Variants in WWOX observed in about 807,000 individuals in gnomAD.
WWOX encodes WW domain-containing oxidoreductase.
A neutral mutation model predicts 46.2 loss-of-function variants in WWOX; 69 were observed. The ratio of observed to expected loss-of-function variants is 1.49; its 90% CI spans 1.23 to 1.82. The LOEUF (loss-of-function observed/expected upper bound fraction) is 1.82, where lower values mean the gene tolerates loss of function less well. Among genes scored for constraint, WWOX ranks in the 40% most tolerant of loss-of-function variants. WWOX has a pLI of 0.00. For missense variants in WWOX, 919 were observed against 542.6 expected, an observed-to-expected ratio of 1.69 and a Z score of -6.89; for synonymous variants, 359 against 202.6, an observed-to-expected ratio of 1.77 and a Z score of -6.56.
intron 5 of WWOX, among the ~76,000 whole-genome samples, chr16:78,196,745 C>T (rs1318100395): frequency 2.0e-5 from 3 of 152,036 alleles, no homozygotes; most frequent in Non-Finnish European, 4.4e-5. Context: ...TATTATTGGC[C>T]CTATTTTGCT....
chr16:78,800,906 A>G (rs188179867), intron 8 of WWOX, among the ~76,000 whole-genome samples: 290 of 152,228 alleles, frequency 1.9e-3, no homozygotes, highest in African/African-American at 6.4e-3. Context: ...GCATTCCCCA[A>G]TATAACCATT....
At chr16:78,375,739 C>T (rs527981452) in intron 5 of WWOX, among the ~76,000 whole-genome samples, 1 of 151,938 alleles carries the variant, frequency 6.6e-6, no homozygotes, top group Admixed American at 6.6e-5. Context: ...ATTATAGTTT[C>T]CTAAGTATTT....
In WWOX at chr16:79,061,316, G is replaced by C. The variant is rs530232188; in HGVS notation, c.1057-150292G>C. Among the ~76,000 whole-genome samples the C allele has an allele frequency of 4.6e-4, 70 of 152,016 alleles. 1 individual carries two copies. Among genetic ancestry groups the C allele is most frequent in the Non-Finnish European group, 7.9e-4 (54 of 68,010 alleles). ...TAGTAGTATCTTATTATATTAGCCC[G>C]GCACTGACTGGTGATGAATTACAAG... is the stretch of plus-strand genomic sequence containing the variant. On this transcript the variant is annotated intron_variant, in intron 8 of 8. Transcript: ENST00000566780.
chr16:78,704,878 T>C (rs973673767), intron 8 of WWOX, among the ~76,000 whole-genome samples: 5 of 152,030 alleles, frequency 3.3e-5, no homozygotes, highest in East Asian at 1.9e-4. Flanking sequence ...CCCAACTCTT[T>C]TATTTTTTTT....
chr16:78,869,799 A>G (rs931449200), intron 8 of WWOX, among the ~76,000 whole-genome samples: 4 of 152,250 alleles, frequency 2.6e-5, no homozygotes, highest in Admixed American at 6.5e-5. Context: ...AAAAGCCAGC[A>G]GAGAGAAGAC....
intron 5 of WWOX, among the ~76,000 whole-genome samples, chr16:78,176,388 A>G (rs528838720): frequency 6.1e-4 from 93 of 152,288 alleles, no homozygotes; most frequent in African/African-American, 2.2e-3. Context: ...AGGAGCCAAG[A>G]CCTGCCTTGC....
At chr16:78,793,935 T>C (rs1161975387) in intron 8 of WWOX, among the ~76,000 whole-genome samples, 2 of 151,988 alleles carry the variant, frequency 1.3e-5, no homozygotes, top group Admixed American at 6.6e-5. Flanking sequence ...ATTTTTGATA[T>C]AGAAGAGGAT....
chr16:78,821,553 AAC>A (rs2051494664), intron 8 of WWOX, among the ~76,000 whole-genome samples: 1 of 152,196 alleles, frequency 6.6e-6, no homozygotes. Flanking sequence ...ACCCATTCCC[AAC>A]AGTGTCCCAG....
At chr16:78,849,182 A>C (rs527532738) in intron 8 of WWOX, among the ~76,000 whole-genome samples, 58 of 152,272 alleles carry the variant, frequency 3.8e-4, no homozygotes, top group Non-Finnish European at 7.8e-4. Flanking sequence ...CAAACATACA[A>C]GAGTCAATGT....
Position 78,843,005 on chromosome 16 carries a change from T to C in WWOX, c.1057-368603T>C, listed in dbSNP as rs2052201946. Among the ~76,000 whole-genome samples, 3 of 150,086 alleles carry C rather than the reference T, an allele frequency of 2.0e-5. 1 individual carries two copies. On this transcript the variant is annotated intron_variant, in intron 8 of 8. Coordinates refer to ENST00000566780, the MANE Select transcript of WWOX (RefSeq NM_016373.4). ...CAGGACTGGCAGGTGGAGAGGATGT[T>C]TGTTAACAGGGCTGGCTATTTTACT...
intron 6 of WWOX, among the ~76,000 whole-genome samples, chr16:78,420,561 C>T (rs981449798): frequency 6.6e-5 from 10 of 151,566 alleles, no homozygotes; most frequent in East Asian, 3.9e-4. Context: ...ATAAAATGTC[C>T]GGAATAGGCG....
At position 78,850,349 on chromosome 16, in the gene WWOX, C is replaced by A. The variant is rs184547029; in HGVS notation, c.1057-361259C>A. Among the ~76,000 whole-genome samples the A allele has an allele frequency of 7.2e-5, 11 of 152,182 alleles. No individual in the cohort carries two copies. In the East Asian group the frequency reaches 2.1e-3, roughly 29 times the overall value. Reference sequence around the variant, plus strand: ...AGTTATAATACATTGATACTACATCCCGAGTGTTTCACTTAACATTATAGC... The same window carrying A: ...AGTTATAATACATTGATACTACATCACGAGTGTTTCACTTAACATTATAGC... On this transcript the variant is annotated intron_variant, in intron 8 of 8. Transcript: ENST00000566780.
chr16:78,109,772 T>G lies in WWOX; in HGVS notation c.173-6T>G, dbSNP rs200812468. The G allele has an allele frequency of 2.8e-5, 46 of 1,614,094 alleles. No individual in the cohort carries two copies. The highest frequency in any genetic ancestry group is 6.7e-5 in the Admixed American group (4 of 60,012). On this transcript the variant is annotated splice_region_variant and splice_polypyrimidine_tract_variant and intron_variant, in intron 2 of 8. Transcript: ENST00000566780. ...CACCTGTAGACCTGTCTTTCTTGTG[T>G]TTCAGATTTGCCATACGGATGGGAA...
chr16:78,283,395 C>G (rs1308819182), intron 5 of WWOX, among the ~76,000 whole-genome samples: 2 of 152,166 alleles, frequency 1.3e-5, no homozygotes, highest in Admixed American at 6.5e-5. Context: ...TACCTGCTTT[C>G]CACTCTGTGA....
intron 5 of WWOX, among the ~76,000 whole-genome samples, chr16:78,248,975 G>C (rs145117534): frequency 0.013 from 1,908 of 147,222 alleles, 47 homozygotes; most frequent in African/African-American, 0.044. Context: ...TCCTGCCTCA[G>C]CCTCCGGAGC....
At chr16:78,738,227 G>C (rs924624708) in intron 8 of WWOX, among the ~76,000 whole-genome samples, 5 of 152,216 alleles carry the variant, frequency 3.3e-5, no homozygotes, top group African/African-American at 1.2e-4. Context: ...TAAGATTTCA[G>C]TAGCTGCTGG....
At chr16:78,531,729 G>T (rs1004186882) in intron 8 of WWOX, among the ~76,000 whole-genome samples, 4 of 152,008 alleles carry the variant, frequency 2.6e-5, no homozygotes, top group Non-Finnish European at 4.4e-5. Context: ...TAGGTGATGT[G>T]TGTCTGTAAT....
At chr16:78,244,160 A>G (rs972069602) in intron 5 of WWOX, among the ~76,000 whole-genome samples, 1 of 152,142 alleles carries the variant, frequency 6.6e-6, no homozygotes, top group African/African-American at 2.4e-5. Context: ...TCGTAACCTC[A>G]GCATCCCTGT....
chr16:78,918,964 A>C (rs1331221794), intron 8 of WWOX, among the ~76,000 whole-genome samples: 2 of 152,034 alleles, frequency 1.3e-5, no homozygotes, highest in African/African-American at 4.8e-5. Flanking sequence ...TTCTGATTGG[A>C]CCCAGGGCAG....
Sources: gnomAD v4.1 joint callset for allele counts (sites outside exome capture counted in the v4.1 genomes callset) on GRCh38, gnomAD v4.1.1 for gene constraint, MANE v1.5 for transcripts, NCBI Gene and HGNC (gene_info 2026-07-23, HGNC 2026-07-21) for gene names.